Variants in SH3PXD2A observed in about 807,000 individuals in gnomAD.
SH3PXD2A encodes the protein SH3 and PX domains 2A.
A neutral mutation model predicts 115.2 loss-of-function variants in SH3PXD2A; 32 were observed. That is an observed-to-expected ratio of 0.28 (90% confidence interval 0.21 to 0.37). The LOEUF is 0.37. SH3PXD2A is among the 10% of genes least tolerant of loss of function. The probability of loss-of-function intolerance (pLI) is 1.00; values close to 1 mark genes in which losing one functional copy is unlikely to be tolerated. For synonymous variants in SH3PXD2A, 610 were observed against 629.1 expected (o/e 0.97, Z 0.45); for missense variants, 1,328 against 1,498.7 (o/e 0.89, Z 1.88).
chr10:103,667,704 C>T (rs1177994281), intron 7 of SH3PXD2A, among the ~76,000 whole-genome samples: 1 of 152,224 alleles, frequency 6.6e-6, no homozygotes, highest in East Asian at 1.9e-4. Flanking sequence ...AGCTCCCACC[C>T]TTCTGCTTTG....
intron 1 of SH3PXD2A, among the ~76,000 whole-genome samples, chr10:103,853,106 C>G (rs145471232): frequency 1.0e-3 from 152 of 152,270 alleles, no homozygotes; most frequent in African/African-American, 3.5e-3. Flanking sequence ...CACTCCCTGC[C>G]CCCCCAAACA....
intron 3 of SH3PXD2A, among the ~76,000 whole-genome samples, chr10:103,745,448 A>G (rs577319387): frequency 6.6e-6 from 1 of 152,338 alleles, no homozygotes; most frequent in South Asian, 2.1e-4. Context: ...TTCGAATGCT[A>G]GTTTCCTCAG....
intron 2 of SH3PXD2A, among the ~76,000 whole-genome samples, chr10:103,801,076 C>T (rs754449230): frequency 6.6e-6 from 1 of 152,118 alleles, no homozygotes; most frequent in African/African-American, 2.4e-5. Flanking sequence ...TCAGAGGAGG[C>T]CAACAAAGTC....
rs781711817 is a variant in SH3PXD2A at position 103,603,801 on chromosome 10, G to A, written c.1429-12C>T. 16 of 1,574,142 alleles carry A rather than the reference G, an allele frequency of 1.0e-5. No homozygotes were observed. Among genetic ancestry groups the A allele is most frequent in the Middle Eastern group, 1.8e-4 (1 of 5,668 alleles). Reference sequence around the variant, plus strand: ...TTCTTATCAATGACCTGGGGTACGAGTGCAGACAAGCCAGTGAGTTGGGAG... The same window carrying A: ...TTCTTATCAATGACCTGGGGTACGAATGCAGACAAGCCAGTGAGTTGGGAG... On this transcript the variant is annotated splice_polypyrimidine_tract_variant and intron_variant, in intron 14 of 14. Coordinates refer to ENST00000369774, the MANE Select transcript of SH3PXD2A (RefSeq NM_001394015.1).
At chr10:103,629,594 C>A (rs1388340138) in intron 8 of SH3PXD2A, among the ~76,000 whole-genome samples, 1 of 152,230 alleles carries the variant, frequency 6.6e-6, no homozygotes. Flanking sequence ...GGAGCCCCCA[C>A]CTGACCTCTA....
intron 4 of SH3PXD2A, among the ~76,000 whole-genome samples, chr10:103,727,385 G>A (rs1467438695): frequency 6.6e-6 from 1 of 152,236 alleles, no homozygotes; most frequent in Non-Finnish European, 1.5e-5. Context: ...CAGGGAGCAA[G>A]AGGGAGGGAG....
chr10:103,811,799 G>A (rs112192696), intron 1 of SH3PXD2A, among the ~76,000 whole-genome samples: 10 of 152,200 alleles, frequency 6.6e-5, no homozygotes, highest in East Asian at 3.9e-4. Context: ...AAAATCAATC[G>A]GATCAATTTC....
In SH3PXD2A at chr10:103,801,542, T is replaced by TACACACACACACACAC. The variant is rs148335179; in HGVS notation, c.73-196_73-181dup. On this transcript the variant is annotated intron_variant, in intron 1 of 14. Transcript: ENST00000369774. ...GTAGATGCTACAATATATGTCTAAA[T>TACACACACACACACAC]ACACACACACACACACACACACACA... 2.2e-3 allele frequency among the ~76,000 whole-genome samples: 313 copies of TACACACACACACACAC among 142,936 alleles called. 2 individuals carry two copies. The highest frequency in any genetic ancestry group is 0.012 in the South Asian group (52 of 4,428). 93.8% of individuals were successfully genotyped at this position (142,936 alleles called of 152,430 possible).
chr10:103,686,804 A>G (rs1002527992), intron 6 of SH3PXD2A, among the ~76,000 whole-genome samples: 3 of 148,508 alleles, frequency 2.0e-5, no homozygotes, highest in Admixed American at 6.8e-5. Context: ...CTGGAGTGCA[A>G]TGGCATGATC....
intron 6 of SH3PXD2A, among the ~76,000 whole-genome samples, chr10:103,675,827 G>A (rs2037524693): frequency 1.3e-5 from 2 of 152,156 alleles, no homozygotes; most frequent in South Asian, 4.1e-4. Flanking sequence ...TGGATCATCT[G>A]AGGTCAGGAG....
In SH3PXD2A at chr10:103,665,294, C is replaced by T. The variant is rs73330596; in HGVS notation, c.472+3314G>A. 6.6e-6 allele frequency among the ~76,000 whole-genome samples: 1 copy of T among 152,230 alleles called. No homozygotes were observed. Among genetic ancestry groups the T allele is most frequent in the African/African-American group, 2.4e-5 (1 of 41,518 alleles). On this transcript the variant is annotated intron_variant, in intron 7 of 14. Transcript: ENST00000369774. This position sits in a 1 kb window ranked among gnomAD's most constrained non-coding sequence, Gnocchi z 4.0. The stretch of plus-strand genomic sequence containing the variant: ...GTGCTGGGGAGTGGACAGACATCAG[C>T]TCATTTTAATCCAAGCCAAGAAAAT...
intron 8 of SH3PXD2A, among the ~76,000 whole-genome samples, chr10:103,648,171 G>A (rs1431216126): frequency 6.6e-6 from 1 of 152,112 alleles, no homozygotes; most frequent in Non-Finnish European, 1.5e-5. Context: ...GAAAGAGTAT[G>A]GAAAAACAGG....
rs2036145433 is a variant in SH3PXD2A, at chr10:103,596,952, T to G, written c.*4864A>C. The G allele has an allele frequency of 6.6e-6, 1 of 152,522 alleles. No individual in the cohort carries two copies. The highest frequency in any genetic ancestry group is 6.6e-5 in the Admixed American group (1 of 15,258). The allele number at this position is 152,522 out of a possible 1,614,324, so 9.4% of individuals were successfully genotyped here. A position where few individuals can be genotyped will look rare whatever the true frequency, so the allele number is the denominator to read the frequency against. On this transcript the variant is annotated 3_prime_UTR_variant, in exon 15 of 15. Transcript: ENST00000369774. ...AAGCCACAGGGACGTCCCTGTCACC[T>G]TGAGGGGCAGAGCTCTGAGGCTCCA... is the stretch of plus-strand genomic sequence containing the variant.
chr10:103,835,668 C>T (rs574969060), intron 1 of SH3PXD2A, among the ~76,000 whole-genome samples: 31 of 152,162 alleles, frequency 2.0e-4, no homozygotes, highest in Admixed American at 6.5e-4. Flanking sequence ...TTTTGGCCGC[C>T]CCCCCAACCC....
At chr10:103,821,301 G>C (rs1318405936) in intron 1 of SH3PXD2A, among the ~76,000 whole-genome samples, 1 of 151,802 alleles carries the variant, frequency 6.6e-6, no homozygotes, top group African/African-American at 2.4e-5. Flanking sequence ...GCTAATTTTC[G>C]TATTTTTAGT....
chr10:103,831,155 A>G (rs1003155281), intron 1 of SH3PXD2A, among the ~76,000 whole-genome samples: 4 of 152,270 alleles, frequency 2.6e-5, no homozygotes, highest in Non-Finnish European at 5.9e-5. Context: ...TCCATAAATA[A>G]TATTTACATA....
intron 1 of SH3PXD2A, among the ~76,000 whole-genome samples, chr10:103,829,387 AC>A (rs202230630): frequency 6.6e-6 from 1 of 152,090 alleles, no homozygotes; most frequent in Non-Finnish European, 1.5e-5. Flanking sequence ...AAGACCCCCT[AC>A]CCCAGAAAGC....
intron 7 of SH3PXD2A, chr10:103,661,817 G>GT: frequency 3.0e-6 from 3 of 985,308 alleles, no homozygotes; most frequent in Non-Finnish European, 3.6e-6. Flanking sequence ...GGAGCCGGGG[G>GT]TGGAGGCAGG....
At chr10:103,674,451 G>A (rs1311485217) in intron 6 of SH3PXD2A, among the ~76,000 whole-genome samples, 7 of 152,196 alleles carry the variant, frequency 4.6e-5, no homozygotes, top group East Asian at 1.9e-4. Context: ...AAGCTGAGGC[G>A]TAACAGTGAA....
Sources: gnomAD v4.1 joint callset for allele counts (sites outside exome capture counted in the v4.1 genomes callset) on GRCh38, gnomAD v4.1.1 for gene constraint, Gnocchi (gnomAD v3.1) non-coding constraint, MANE v1.5 for transcripts, NCBI Gene and HGNC (gene_info 2026-07-23, HGNC 2026-07-21) for gene names.